The following DENND5B variants were observed in gnomAD, a reference collection of about 807,000 sequenced individuals.
DENND5B encodes the protein DENN domain containing 5B.
Under a neutral mutation model 140.6 loss-of-function variants are expected in DENND5B, and 34 were observed. That is an observed-to-expected ratio of 0.24 (90% CI 0.18 to 0.32). DENND5B has a LOEUF of 0.32. DENND5B is among the 10% of genes least tolerant of loss of function. The pLI is 1.00. For missense variants in DENND5B, 1,142 were observed against 1,560.2 expected (o/e 0.73, Z 4.52); for synonymous variants, 551 against 562.1 (o/e 0.98, Z 0.28).
rs80175264 is a variant in DENND5B, at chr12:31,448,443, T to C, written c.1630-674A>G. Among the ~76,000 whole-genome samples the C allele has an allele frequency of 6.5e-3, 993 of 152,258 alleles. 6 individuals are homozygous for C. The highest frequency in any genetic ancestry group is 0.023 in the African/African-American group (956 of 41,558). ...AGCCACCGCGCCCAGCTACAAGTTG[T>C]AATTCCTTCTGTTCTCTATTCCTAG... is the stretch of plus-strand genomic sequence containing the variant. On this transcript the variant is annotated intron_variant, in intron 5 of 20. Transcript: ENST00000389082.
Position 31,402,572 on chromosome 12 carries a change from T to G in DENND5B, c.2875A>C (p.Ile959Leu). Residue 959 changes from isoleucine to leucine, a missense_variant, in exon 15 of 21, where the codon ATC (isoleucine) becomes CTC (leucine). Physicochemically the swap from Ile to Leu is conservative, Grantham distance 5 (BLOSUM62 2). Transcript: ENST00000389082. ...SNAIITSNPW[I>L]CVSGELGDTG... The stretch of plus-strand genomic sequence containing the variant: ...TCTCCCAGCTCTCCTGATACACAGA[T>G]CCAAGGGTTTGATGTGATTATTGCA... 6.2e-7 allele frequency: 1 copy of G among 1,613,928 alleles called. No homozygotes were observed.
chr12:31,459,213 G>GA (rs35939799), intron 4 of DENND5B, among the ~76,000 whole-genome samples: 96,426 of 148,488 alleles, frequency 0.65, 32,403 homozygotes, highest in East Asian at 0.86. Context: ...CAAAAGAAAA[G>GA]AAAAAAAAAA....
In DENND5B at chr12:31,387,582, G is replaced by T; in HGVS notation, c.*21C>A. 6.2e-7 allele frequency: 1 copy of T among 1,607,548 alleles called. No individual in the cohort carries two copies. The highest frequency in any genetic ancestry group is 1.1e-5 in the South Asian group (1 of 90,482). On this transcript the variant is annotated 3_prime_UTR_variant, in exon 21 of 21. Coordinates refer to ENST00000389082, the MANE Select transcript of DENND5B (RefSeq NM_144973.4). Reference sequence around the variant, plus strand: ...TTGGGGAAGGAGCAAGGTTTGGACTGAGAGTTTCTAGCCAGTTGGGTTACA... The same window carrying T: ...TTGGGGAAGGAGCAAGGTTTGGACTTAGAGTTTCTAGCCAGTTGGGTTACA...
intron 1 of DENND5B, among the ~76,000 whole-genome samples, chr12:31,570,073 T>G (rs1268444405): frequency 6.6e-6 from 1 of 150,842 alleles, no homozygotes. Context: ...CGGGTGCCTG[T>G]AATCCCAGCT....
intron 16 of DENND5B, among the ~76,000 whole-genome samples, 179 bp downstream of exon 16, chr12:31,399,475 C>T (rs1393782764): frequency 1.3e-5 from 2 of 151,782 alleles, no homozygotes. Flanking sequence ...GATGGGGTTT[C>T]ACCATGTTGG....
intron 1 of DENND5B, among the ~76,000 whole-genome samples, chr12:31,549,137 T>C (rs1373150651): frequency 6.6e-6 from 1 of 152,112 alleles, no homozygotes; most frequent in Non-Finnish European, 1.5e-5. Flanking sequence ...TGGCTTCAGG[T>C]GATCCTTCCG....
chr12:31,418,282 C>CTTTTTTTT (rs66507414), intron 11 of DENND5B, among the ~76,000 whole-genome samples: 9 of 133,066 alleles, frequency 6.8e-5, no homozygotes, highest in African/African-American at 8.4e-5. Flanking sequence ...TTTTTCTTTT[C>CTTTTTTTT]TTTTTTTTTT....
intron 3 of DENND5B, among the ~76,000 whole-genome samples, chr12:31,463,834 T>A (rs1036039245): frequency 3.3e-5 from 5 of 152,018 alleles, no homozygotes; most frequent in African/African-American, 4.8e-5. Flanking sequence ...CCTGGCTAAT[T>A]TTTTTGGATT....
chr12:31,534,938 GCGGCGTGTGC>G, intron 1 of DENND5B: 1 of 311,770 alleles, frequency 3.2e-6, no homozygotes, highest in Admixed American at 4.6e-5. Context: ...ACTGGGTGTG[GCGGCGTGTGC>G]CTGTAGTCCC....
chr12:31,585,805 A>T (rs1950376517), intron 1 of DENND5B, among the ~76,000 whole-genome samples: 2 of 152,178 alleles, frequency 1.3e-5, no homozygotes, highest in Non-Finnish European at 2.9e-5. Flanking sequence ...CAAAGCTAAA[A>T]ATAGCTAGAG....
chr12:31,521,084 T>A (rs1947858127), intron 1 of DENND5B, among the ~76,000 whole-genome samples: 1 of 152,006 alleles, frequency 6.6e-6, no homozygotes, highest in African/African-American at 2.4e-5. Context: ...CAGCACAGCC[T>A]TAGATCATTA....
chr12:31,408,253 T>C (rs1942246662), intron 14 of DENND5B, among the ~76,000 whole-genome samples: 1 of 151,784 alleles, frequency 6.6e-6, no homozygotes, highest in Non-Finnish European at 1.5e-5. Flanking sequence ...GAGCTGAGAT[T>C]CCACCACTGC....
intron 1 of DENND5B, among the ~76,000 whole-genome samples, chr12:31,498,765 G>A (rs1014539939): frequency 6.6e-6 from 1 of 152,020 alleles, no homozygotes; most frequent in Admixed American, 6.5e-5. Context: ...TTGAGGTCAG[G>A]AGTTCGAGAC....
At chr12:31,542,526 C>T (rs1353328634) in intron 1 of DENND5B, among the ~76,000 whole-genome samples, 1 of 152,108 alleles carries the variant, frequency 6.6e-6, no homozygotes, top group African/African-American at 2.4e-5. Context: ...TTGTTTGTAA[C>T]ACAAATGATA....
intron 3 of DENND5B, among the ~76,000 whole-genome samples, chr12:31,476,202 A>G (rs188830586): frequency 7.3e-4 from 110 of 150,716 alleles, no homozygotes; most frequent in Middle Eastern, 3.4e-3. Flanking sequence ...TTTGCCTTCT[A>G]AAAAAAGCAT....
At chr12:31,456,743 T>G (rs1193090771) in intron 4 of DENND5B, among the ~76,000 whole-genome samples, 1 of 152,194 alleles carries the variant, frequency 6.6e-6, no homozygotes. Context: ...TCTCAGTGTC[T>G]GAAGTTAAGC....
intron 4 of DENND5B, among the ~76,000 whole-genome samples, chr12:31,457,674 T>C (rs1298081149): frequency 2.0e-5 from 3 of 152,012 alleles, no homozygotes; most frequent in Non-Finnish European, 4.4e-5. Flanking sequence ...AACAATGATG[T>C]CCTAATTTAT....
At chr12:31,435,120 A>G (rs1412859863) in intron 7 of DENND5B, among the ~76,000 whole-genome samples, 1 of 151,814 alleles carries the variant, frequency 6.6e-6, no homozygotes, top group East Asian at 1.9e-4. Context: ...CCGGATGAAG[A>G]CTATCCCCTC....
intron 17 of DENND5B, among the ~76,000 whole-genome samples, chr12:31,397,845 AC>A: frequency 6.6e-6 from 1 of 152,068 alleles, no homozygotes; most frequent in East Asian, 1.9e-4. Flanking sequence ...GATCATTTGA[AC>A]CCGGGAAGCA....
Sources: allele counts gnomAD v4.1 joint callset (sites outside exome capture counted in the v4.1 genomes callset), GRCh38; gene constraint gnomAD v4.1.1; transcripts MANE v1.5; gene names NCBI Gene and HGNC (gene_info 2026-07-23, HGNC 2026-07-21).